TENM4: variants seen among roughly 807,000 people sequenced by gnomAD.
TENM4 encodes the protein teneurin-4.
A neutral mutation model predicts 243.3 loss-of-function variants in TENM4; 82 were observed. The ratio of observed to expected loss-of-function variants is 0.34; its 90% CI spans 0.28 to 0.40. The LOEUF (loss-of-function observed/expected upper bound fraction) is 0.40, where lower values mean the gene tolerates loss of function less well. TENM4 is among the 10% of genes least tolerant of loss of function. TENM4 has a pLI of 1.00. For synonymous variants in TENM4, 1,412 were observed against 1,456.3 expected, an observed-to-expected ratio of 0.97 and a Z score of 0.69; for missense variants, 3,138 against 3,673.3, an observed-to-expected ratio of 0.85 and a Z score of 3.77.
chr11:78,796,387 A>T (rs1857160301), intron 15 of TENM4, among the ~76,000 whole-genome samples: 1 of 152,208 alleles, frequency 6.6e-6, no homozygotes, highest in South Asian at 2.1e-4. Flanking sequence ...GGACTGGAAC[A>T]CAACCTGACC....
intron 9 of TENM4, among the ~76,000 whole-genome samples, chr11:78,868,245 C>T (rs111792123): frequency 0.016 from 2,455 of 152,230 alleles, 43 homozygotes; most frequent in African/African-American, 0.055. Context: ...CTATATGATA[C>T]TCTGCAGTGT....
rs950405368 is a variant in TENM4, at chr11:79,126,608, C to T, written c.-66+22102G>A. On this transcript the variant is annotated intron_variant, in intron 4 of 33. Transcript: ENST00000278550. ...TACTAGAAGTGAAACTGATAGGAAG[C>T]CTACTGCATTCCTATGTAATTTATA... 5.3e-5 allele frequency among the ~76,000 whole-genome samples: 8 copies of T among 151,966 alleles called. No individual in the cohort carries two copies. In the East Asian group the frequency reaches 1.4e-3, roughly 26 times the overall value.
At chr11:79,160,508 A>AC (rs1862720886) in intron 3 of TENM4, among the ~76,000 whole-genome samples, 1 of 151,632 alleles carries the variant, frequency 6.6e-6, no homozygotes, top group African/African-American at 2.4e-5. Context: ...TGAGATGGAG[A>AC]TGGGGGCATC....
At chr11:79,157,534 A>T (rs550547) in intron 3 of TENM4, among the ~76,000 whole-genome samples, 141,752 of 152,232 alleles carry the variant, frequency 0.93, 66,701 homozygotes, top group Middle Eastern at 1. Context: ...AGGTCTTGCC[A>T]TCTGTAACTC....
chr11:78,762,938 CAT>C (rs1413833856), intron 18 of TENM4, among the ~76,000 whole-genome samples: 1 of 152,088 alleles, frequency 6.6e-6, no homozygotes, highest in East Asian at 1.9e-4. Flanking sequence ...AGACTAGAAA[CAT>C]ATTAATACAC....
intron 3 of TENM4, among the ~76,000 whole-genome samples, chr11:79,206,644 G>A (rs76146114): frequency 6.6e-6 from 1 of 152,156 alleles, no homozygotes; most frequent in Non-Finnish European, 1.5e-5. Flanking sequence ...TCATGAATAA[G>A]TCTCATGAGA....
intron 5 of TENM4, 28 bp downstream of exon 5, chr11:79,069,694 A>T (rs1334079555): frequency 2.1e-5 from 32 of 1,532,534 alleles, no homozygotes; most frequent in Non-Finnish European, 2.4e-5. Context: ...CCTGCGCCTG[A>T]GGCCCGCCCC....
At chr11:79,425,546 G>A (rs1565341588) in intron 1 of TENM4, among the ~76,000 whole-genome samples, 1 of 152,186 alleles carries the variant, frequency 6.6e-6, no homozygotes, top group Non-Finnish European at 1.5e-5. Flanking sequence ...ACACGGACTT[G>A]GAGCCAGACT....
intron 7 of TENM4, among the ~76,000 whole-genome samples, chr11:78,898,750 T>C (rs530476273): frequency 6.6e-5 from 10 of 152,226 alleles, no homozygotes; most frequent in Non-Finnish European, 1.3e-4. Flanking sequence ...CTGTGTTGTG[T>C]GCTGGGGATC....
chr11:79,037,015 CAAAAAAAAAAAAAAAAAAAA>C (rs369421583), intron 6 of TENM4, among the ~76,000 whole-genome samples: 33 of 91,148 alleles, frequency 3.6e-4, no homozygotes, highest in African/African-American at 1.0e-3. Flanking sequence ...GACTCCATCT[CAAAAAAAAAAAAAAAAAAAA>C]AAAAAAAAAA....
At chr11:79,352,080 A>G (rs917584106) in intron 1 of TENM4, among the ~76,000 whole-genome samples, 9 of 152,252 alleles carry the variant, frequency 5.9e-5, no homozygotes, top group African/African-American at 1.9e-4. Flanking sequence ...TTCAGGAAAC[A>G]TATGTGCTGC....
intron 1 of TENM4, among the ~76,000 whole-genome samples, chr11:79,336,676 G>A (rs1011610540): frequency 1.3e-5 from 2 of 152,150 alleles, no homozygotes; most frequent in African/African-American, 4.8e-5. Flanking sequence ...TGAAAATATT[G>A]CTATGAACAT....
chr11:78,740,351 C>G (rs1259765759), intron 19 of TENM4, among the ~76,000 whole-genome samples: 1 of 151,904 alleles, frequency 6.6e-6, no homozygotes, highest in Non-Finnish European at 1.5e-5. Context: ...ATGCACCAGA[C>G]TCCCCACCCC....
At chr11:79,053,525 T>A (rs1440022802) in intron 6 of TENM4, among the ~76,000 whole-genome samples, 1 of 152,204 alleles carries the variant, frequency 6.6e-6, no homozygotes, top group Non-Finnish European at 1.5e-5. Flanking sequence ...TCTGGCCTCA[T>A]CTTTTCTTAA....
chr11:78,934,592 C>G (rs939348438), intron 6 of TENM4, among the ~76,000 whole-genome samples: 3 of 152,208 alleles, frequency 2.0e-5, no homozygotes, highest in African/African-American at 7.2e-5. Flanking sequence ...ATGTACATCA[C>G]AGAAAGGCAT....
chr11:79,106,369 GCAGTCCCAGGCTGGGGTCCTTGTGTTCC>G (rs546047763), intron 4 of TENM4, among the ~76,000 whole-genome samples: 1 of 152,358 alleles, frequency 6.6e-6, no homozygotes, highest in Non-Finnish European at 1.5e-5. Context: ...TTAGGGACAG[GCAGTCCCAGGCTGGGGTCCTTGTGTTCC>G]CCCTACCAGC....
In TENM4 at chr11:79,438,581, G is replaced by A. The variant is rs1199418211; in HGVS notation, c.-321+1928C>T. Reference sequence around the variant, plus strand: ...TGGGCTGCCTGGGCATCTCCAAGGGGGACCAGGCACCGCGGGCAGGTTTCT... The same window carrying A: ...TGGGCTGCCTGGGCATCTCCAAGGGAGACCAGGCACCGCGGGCAGGTTTCT... On this transcript the variant is annotated intron_variant, in intron 1 of 33. Coordinates refer to ENST00000278550, the MANE Select transcript of TENM4 (RefSeq NM_001098816.3). This position sits in a 1 kb window ranked among gnomAD's most constrained non-coding sequence, Gnocchi z 4.1. Among the ~76,000 whole-genome samples, 2 of 152,176 alleles carry A rather than the reference G, an allele frequency of 1.3e-5. No individual in the cohort carries two copies. Among genetic ancestry groups the A allele is most frequent in the Admixed American group, 6.5e-5 (1 of 15,282 alleles).
Position 78,774,543 on chromosome 11 carries a change from A to G in TENM4, c.2393-3405T>C, listed in dbSNP as rs137888304. ...TACTGAAATGATCAATTCTGCAATT[A>G]GTTTCATTGTCTTACTTCTTCCGTT... On this transcript the variant is annotated intron_variant, in intron 17 of 33. Coordinates refer to ENST00000278550, the MANE Select transcript of TENM4 (RefSeq NM_001098816.3). 2.0e-5 allele frequency among the ~76,000 whole-genome samples: 3 copies of G among 152,322 alleles called. No homozygotes were observed. In the East Asian group the frequency reaches 5.8e-4, roughly 29 times the overall value.
At chr11:79,408,902 G>A (rs1858628518) in intron 1 of TENM4, among the ~76,000 whole-genome samples, 2 of 152,322 alleles carry the variant, frequency 1.3e-5, no homozygotes, top group South Asian at 4.1e-4. Flanking sequence ...TCTGGGCTCA[G>A]TGGAAGCTCA....
Sources: allele counts gnomAD v4.1 joint callset (sites outside exome capture counted in the v4.1 genomes callset), GRCh38; gene constraint gnomAD v4.1.1; non-coding constraint Gnocchi (gnomAD v3.1); transcripts MANE v1.5; gene names NCBI Gene and HGNC (gene_info 2026-07-23, HGNC 2026-07-21).